Variants in FCN2 observed in about 807,000 individuals in gnomAD.
FCN2 encodes ficolin 2, also known as ficolin-2.
In FCN2, 31 loss-of-function variants were observed where a neutral mutation model predicts 32.5. The ratio of observed to expected loss-of-function variants is 0.96; its 90% confidence interval spans 0.72 to 1.29. The LOEUF is 1.29. Ranked by LOEUF, FCN2 falls within the 50% of genes most tolerant of loss-of-function variation. The pLI, the probability that FCN2 is intolerant of heterozygous loss-of-function variation, is 0.00. For synonymous variants in FCN2, 181 were observed against 164.5 expected (o/e 1.10, Z -0.77); for missense variants, 412 against 406.5 (o/e 1.01, Z -0.12).
the FCN2 span, among the ~76,000 whole-genome samples, chr9:134,873,904 TTTTTG>T: frequency 2.2e-3 from 50 of 23,226 alleles, no homozygotes; most frequent in East Asian, 0.048. Flanking sequence ...TTTTTGTTTT[TTTTTG>T]TTTTTGTTTT....
At chr9:134,883,418 C>T (rs1053604540) in intron 3 of FCN2, 63 bp downstream of exon 3, 19 of 1,453,890 alleles carry the variant, frequency 1.3e-5, no homozygotes, top group South Asian at 2.3e-5. Flanking sequence ...TGCAGAGGAA[C>T]GTGAGGCGGG....
At chr9:134,872,190 ACC>A in the FCN2 span, among the ~76,000 whole-genome samples, 5 of 151,882 alleles carry the variant, frequency 3.3e-5, no homozygotes, top group South Asian at 1.0e-3. Flanking sequence ...GCGGAGTCGT[ACC>A]CCGTGTGTGG....
intron 3 of FCN2, among the ~76,000 whole-genome samples, chr9:134,884,002 T>G (rs1224083779): frequency 1.3e-5 from 2 of 151,444 alleles, no homozygotes; most frequent in Admixed American, 6.6e-5. Flanking sequence ...TCTGCCCACC[T>G]CTCTAAGCCT....
chr9:134,886,755 T>C (rs759803433), intron 7 of FCN2, among the ~76,000 whole-genome samples, 191 bp downstream of exon 7: 16 of 152,108 alleles, frequency 1.1e-4, no homozygotes, highest in Non-Finnish European at 2.2e-4. Context: ...CATCAGTGTA[T>C]GACTGCAGAA....
rs568069551 is a variant in FCN2, at chr9:134,886,705, C to G, written c.694+141C>G. On this transcript the variant is annotated intron_variant, in intron 7 of 7. Coordinates refer to ENST00000291744, the MANE Select transcript of FCN2 (RefSeq NM_004108.3). ...ATTCGTCCATCTCTACATGCAGACA[C>G]TAACATCTGTGCTCTGTGTAGCATG... The G allele has an allele frequency of 3.2e-6, 3 of 935,920 alleles. No homozygotes were observed. In the East Asian group the frequency reaches 7.5e-5, roughly 23 times the overall value. The allele number at this position is 935,920 out of a possible 1,614,324, so 58.0% of individuals were successfully genotyped here.
chr9:134,879,818 C>T (rs55690104), upstream of FCN2, among the ~76,000 whole-genome samples: 1 of 152,160 alleles, frequency 6.6e-6, no homozygotes, highest in Non-Finnish European at 1.5e-5. Context: ...GAAGAAGGCA[C>T]CTCGGCATCC....
chr9:134,873,153 A>AAG, the FCN2 span, among the ~76,000 whole-genome samples: 7,120 of 151,488 alleles, frequency 0.047, 269 homozygotes, highest in Middle Eastern at 0.068. Flanking sequence ...ACTGAGTTTG[A>AAG]AGAGTTATCT....
rs139886135 is a variant in FCN2 at position 134,881,152 on chromosome 9, G to A, written c.100+231G>A. Among the ~76,000 whole-genome samples the A allele has an allele frequency of 3.9e-3, 601 of 152,282 alleles. 6 individuals are homozygous for A. The highest frequency in any genetic ancestry group is 0.014 in the African/African-American group (575 of 41,574). The stretch of plus-strand genomic sequence containing the variant: ...TGCTTGCCCTCCCATAATGGAAACC[G>A]AGGCAGGTTTCCAGTCTCCCTGGGC... On this transcript the variant is annotated intron_variant, in intron 1 of 7. Transcript: ENST00000291744.
At position 134,887,507 on chromosome 9, in the gene FCN2, CAT is replaced by C. The variant is rs1198539075; in HGVS notation, c.*93_*94del. On this transcript the variant is annotated 3_prime_UTR_variant, in exon 8 of 8. Transcript: ENST00000291744. ...GGCCCTACGGTTTGTAAAAGAAACA[CAT>C]GTCGTGATTCTAAATTGGGTTTGTC... 24 of 1,251,500 alleles carry C rather than the reference CAT, an allele frequency of 1.9e-5. No homozygotes were observed. The highest frequency in any genetic ancestry group is 1.8e-4 in the Middle Eastern group (1 of 5,458). 77.5% of individuals were successfully genotyped at this position (1,251,500 alleles called of 1,614,324 possible). A position where few individuals can be genotyped will look rare whatever the true frequency, so the allele number is the denominator to read the frequency against.
upstream of FCN2, among the ~76,000 whole-genome samples, chr9:134,878,921 T>C (rs1314313522): frequency 1.3e-5 from 2 of 152,256 alleles, no homozygotes; most frequent in Admixed American, 6.5e-5. Flanking sequence ...TTATTCTATC[T>C]TTTAATAACC....
At chr9:134,875,218 C>A in the FCN2 span, among the ~76,000 whole-genome samples, 1 of 152,160 alleles carries the variant, frequency 6.6e-6, no homozygotes, top group Admixed American at 6.5e-5. Flanking sequence ...TAGTACCTTG[C>A]TGAGTAGAAA....
chr9:134,876,199 T>C (rs944845603), upstream of FCN2, among the ~76,000 whole-genome samples: 1 of 152,234 alleles, frequency 6.6e-6, no homozygotes, highest in Admixed American at 6.5e-5. Context: ...GTGGTATCTA[T>C]GTTCATGAGG....
chr9:134,876,456 C>G (rs147219267), upstream of FCN2, among the ~76,000 whole-genome samples: 491 of 152,254 alleles, frequency 3.2e-3, no homozygotes, highest in African/African-American at 0.011. Flanking sequence ...TTCATGGGCT[C>G]TCTTGTCTGT....
intron 1 of FCN2, 88 bp downstream of exon 1, chr9:134,881,009 C>A: frequency 2.1e-6 from 2 of 930,740 alleles, no homozygotes; most frequent in Non-Finnish European, 3.4e-6. Context: ...GCTTCCAGGC[C>A]TTGCACCAGG....
In FCN2 at chr9:134,887,280, C is replaced by T. The variant is rs55874707; in HGVS notation, c.807C>T (p.Asn269=). The change falls in exon 8 of 8, where the codon AAC becomes AAT. Residue 269 remains asparagine (N), a synonymous_variant. Coordinates refer to ENST00000291744, the MANE Select transcript of FCN2 (RefSeq NM_004108.3). The part of the protein sequence containing the change: ...VMFQGAWWYK[N]CHVSNLNGRY... The stretch of plus-strand genomic sequence containing the variant: ...TTCAGGGAGCTTGGTGGTACAAAAA[C>T]TGCCATGTGTCAAACCTGAATGGTC... 1,491 of 1,614,202 alleles carry T rather than the reference C, an allele frequency of 9.2e-4. 12 individuals carry two copies. The African/African-American group carries it at 0.018, about 20-fold the overall frequency.
At chr9:134,870,442 G>A in the FCN2 span, among the ~76,000 whole-genome samples, 1 of 152,160 alleles carries the variant, frequency 6.6e-6, no homozygotes, top group Non-Finnish European at 1.5e-5. This position sits in a 1 kb window ranked among gnomAD's most constrained non-coding sequence, Gnocchi z 4.3. Flanking sequence ...GCCACTCCCT[G>A]CACCTTCACC....
chr9:134,880,670 C>A, upstream of FCN2: 2 of 698,342 alleles, frequency 2.9e-6, no homozygotes, highest in Non-Finnish European at 5.3e-6. Flanking sequence ...GGGAGCAGCC[C>A]TGGAGATGAT....
chr9:134,887,071 ATG>A, intron 7 of FCN2, 95 bp from the exon 8 acceptor site: 1 of 1,404,866 alleles, frequency 7.1e-7, no homozygotes, highest in Non-Finnish European at 1.0e-6. Context: ...CTAACCATAC[ATG>A]GAGGACACAC....
the FCN2 span, among the ~76,000 whole-genome samples, chr9:134,868,696 C>A: frequency 6.6e-6 from 1 of 152,226 alleles, no homozygotes; most frequent in Non-Finnish European, 1.5e-5. The surrounding 1 kb of genome is among the most constrained non-coding windows in gnomAD (Gnocchi z 4.3). Context: ...CCCCAGCGTG[C>A]CTCCCTCACC....
Sources: allele counts gnomAD v4.1 joint callset (sites outside exome capture counted in the v4.1 genomes callset), GRCh38; gene constraint gnomAD v4.1.1; non-coding constraint Gnocchi (gnomAD v3.1); transcripts MANE v1.5; gene names NCBI Gene and HGNC (gene_info 2026-07-23, HGNC 2026-07-21).